The following ARHGAP44 variants were observed in gnomAD, a reference collection of about 807,000 sequenced individuals.
ARHGAP44 encodes Rho GTPase activating protein 44.
In ARHGAP44, 43 loss-of-function variants were observed where a neutral mutation model predicts 106.8. That is an observed-to-expected ratio of 0.40 (90% CI 0.32 to 0.52). The LOEUF (loss-of-function observed/expected upper bound fraction) is 0.52, where lower values mean the gene tolerates loss of function less well. Among genes scored for constraint, ARHGAP44 ranks in the 20% least tolerant of loss-of-function variants. ARHGAP44 has a pLI of 0.48. For synonymous variants in ARHGAP44, 439 were observed against 410.3 expected, an observed-to-expected ratio of 1.07 and a Z score of -0.85; for missense variants, 866 against 1,050.5, an observed-to-expected ratio of 0.82 and a Z score of 2.43.
chr17:12,977,639 C>T (rs556144037), intron 18 of ARHGAP44, among the ~76,000 whole-genome samples: 58 of 152,268 alleles, frequency 3.8e-4, no homozygotes, highest in Admixed American at 7.2e-4. Flanking sequence ...TCAGGTAGCG[C>T]CCCTAGTAGC....
chr17:12,844,457 A>C (rs1316827995), intron 1 of ARHGAP44, among the ~76,000 whole-genome samples: 1 of 152,194 alleles, frequency 6.6e-6, no homozygotes, highest in Non-Finnish European at 1.5e-5. Flanking sequence ...CTCTGCCCTC[A>C]TGACCCAGTC....
At chr17:12,807,813 T>C (rs1342980450) in intron 1 of ARHGAP44, among the ~76,000 whole-genome samples, 1 of 152,094 alleles carries the variant, frequency 6.6e-6, no homozygotes, top group Non-Finnish European at 1.5e-5. Flanking sequence ...TCCCCCAAAG[T>C]CTTAACTCAT....
At chr17:12,824,384 C>G (rs1395054733) in intron 1 of ARHGAP44, among the ~76,000 whole-genome samples, 2 of 152,038 alleles carry the variant, frequency 1.3e-5, no homozygotes, top group African/African-American at 4.8e-5. Flanking sequence ...GCAGGGAAAC[C>G]TCTTAGGAGG....
chr17:12,796,511 C>T (rs1304747345), intron 1 of ARHGAP44, among the ~76,000 whole-genome samples: 1 of 152,212 alleles, frequency 6.6e-6, no homozygotes, highest in African/African-American at 2.4e-5. Context: ...GATCCTCCAT[C>T]CTCAGTCTCC....
chr17:12,789,982 T>A (rs2033686938), intron 1 of ARHGAP44, 91 bp downstream of exon 1: 1 of 1,267,388 alleles, frequency 7.9e-7, no homozygotes, highest in Admixed American at 3.0e-5. Context: ...CAGCCTCCAG[T>A]CCTCCTTGCC....
At chr17:12,982,386 A>G (rs1179052068) in intron 19 of ARHGAP44, among the ~76,000 whole-genome samples, 9 of 150,606 alleles carry the variant, frequency 6.0e-5, no homozygotes, top group African/African-American at 2.0e-4. Context: ...TATTCCTGTC[A>G]CCACCGGAAG....
At chr17:12,929,924 A>G (rs2038351263) in intron 7 of ARHGAP44, among the ~76,000 whole-genome samples, 1 of 152,204 alleles carries the variant, frequency 6.6e-6, no homozygotes, top group Non-Finnish European at 1.5e-5. Context: ...TTTCTCTTAC[A>G]GCCACCCTGT....
intron 20 of ARHGAP44, among the ~76,000 whole-genome samples, chr17:12,989,100 C>CCCCAAAAA: frequency 3.1e-5 from 1 of 32,002 alleles, no homozygotes; most frequent in Non-Finnish European, 7.9e-5. Context: ...TCCACCCCCC[C>CCCCAAAAA]CAAAAAAAAA....
intron 1 of ARHGAP44, among the ~76,000 whole-genome samples, chr17:12,873,766 C>T (rs545058215): frequency 9.7e-4 from 147 of 152,072 alleles, no homozygotes; most frequent in Non-Finnish European, 1.4e-3. Context: ...AGCATGGTGG[C>T]GGGCACCTGT....
At chr17:12,831,833 T>C (rs903488802) in intron 1 of ARHGAP44, among the ~76,000 whole-genome samples, 17 of 152,220 alleles carry the variant, frequency 1.1e-4, no homozygotes, top group African/African-American at 4.1e-4. Flanking sequence ...CAGTAAATTC[T>C]TTTGAGTGTT....
chr17:12,961,328 G>A (rs1188192460), intron 16 of ARHGAP44, among the ~76,000 whole-genome samples: 1 of 152,198 alleles, frequency 6.6e-6, no homozygotes. Context: ...TGTCCACTCT[G>A]TATACTATTC....
chr17:12,920,925 CATA>C (rs2038065541), intron 6 of ARHGAP44, among the ~76,000 whole-genome samples: 1 of 152,112 alleles, frequency 6.6e-6, no homozygotes, highest in African/African-American at 2.4e-5. Flanking sequence ...GAATTGTGCA[CATA>C]TGTCCTTTTA....
chr17:12,982,240 C>T (rs1345235262), intron 19 of ARHGAP44, among the ~76,000 whole-genome samples: 1 of 152,166 alleles, frequency 6.6e-6, no homozygotes, highest in Non-Finnish European at 1.5e-5. Flanking sequence ...TAGCTCAGAC[C>T]CATCTTTTGA....
intron 13 of ARHGAP44, 141 bp downstream of exon 13, chr17:12,952,722 CTTTTTTTTTTTTTTT>C (rs201371135): frequency 0.29 from 89,655 of 306,942 alleles, 7,352 homozygotes; most frequent in African/African-American, 0.47. Flanking sequence ...TGCATGGTCT[CTTTTTTTTTTTTTTT>C]TTTTTTTTTT....
intron 4 of ARHGAP44, among the ~76,000 whole-genome samples, chr17:12,910,280 CT>C (rs2037686429): frequency 7.1e-6 from 1 of 139,956 alleles, no homozygotes; most frequent in African/African-American, 2.7e-5. Context: ...TTTTTTTTTC[CT>C]CTCTCTAAAC....
intron 19 of ARHGAP44, among the ~76,000 whole-genome samples, chr17:12,981,767 T>C (rs1331400795): frequency 6.6e-6 from 1 of 150,930 alleles, no homozygotes; most frequent in Non-Finnish European, 1.5e-5. Flanking sequence ...TCCTAGCACT[T>C]TGGGAGGCTG....
chr17:12,991,240 T>TGAGA lies in ARHGAP44; in HGVS notation c.*1070_*1073dup, dbSNP rs1286359153. ...TTTTCACACTTGGGGATTAGGGGAG[T>TGAGA]GAGAAAAGATTTGGGCCATGCATGC... On this transcript the variant is annotated 3_prime_UTR_variant, in exon 21 of 21. Transcript: ENST00000379672. 2.6e-5 allele frequency: 4 copies of TGAGA among 152,254 alleles called. No individual in the cohort carries two copies. Among genetic ancestry groups the TGAGA allele is most frequent in the African/African-American group, 9.7e-5 (4 of 41,332 alleles). 9.4% of individuals were successfully genotyped at this position (152,254 alleles called of 1,614,324 possible).
intron 1 of ARHGAP44, among the ~76,000 whole-genome samples, chr17:12,843,769 G>T (rs9910547): frequency 0.24 from 36,130 of 150,614 alleles, 6,597 homozygotes; most frequent in African/African-American, 0.5. Context: ...GATTCTCCCG[G>T]CTCAGCCTCC....
chr17:12,957,879 A>G (rs1280001860), intron 15 of ARHGAP44, among the ~76,000 whole-genome samples: 1 of 152,248 alleles, frequency 6.6e-6, no homozygotes, highest in East Asian at 1.9e-4. Flanking sequence ...TGCTCTGCCC[A>G]TTAGAGGTAA....
Sources: allele counts gnomAD v4.1 joint callset (sites outside exome capture counted in the v4.1 genomes callset), GRCh38; gene constraint gnomAD v4.1.1; transcripts MANE v1.5; gene names NCBI Gene and HGNC (gene_info 2026-07-23, HGNC 2026-07-21).